DPP10: variants seen among roughly 807,000 people sequenced by gnomAD.
The protein encoded by DPP10 is dipeptidyl peptidase like 10.
Under a neutral mutation model 120.9 loss-of-function variants are expected in DPP10, and 33 were observed. That is an observed-to-expected ratio of 0.27 (90% confidence interval 0.21 to 0.37). The LOEUF is 0.37. Among genes scored for constraint, DPP10 ranks in the 10% least tolerant of loss-of-function variants. The pLI is 1.00. For missense variants in DPP10, 816 were observed against 942.8 expected, an observed-to-expected ratio of 0.87 and a Z score of 1.76; for synonymous variants, 337 against 326.1, an observed-to-expected ratio of 1.03 and a Z score of -0.36.
intron 3 of DPP10, among the ~76,000 whole-genome samples, chr2:115,471,217 A>G (rs182002010): frequency 1.3e-5 from 2 of 152,326 alleles, no homozygotes; most frequent in East Asian, 3.9e-4. Flanking sequence ...AGAAAAGGAT[A>G]ATTCACTACC....
intron 1 of DPP10, among the ~76,000 whole-genome samples, chr2:114,529,441 A>T (rs1685774378): frequency 6.6e-6 from 1 of 152,142 alleles, no homozygotes; most frequent in Admixed American, 6.5e-5. Flanking sequence ...ATTGACAGAA[A>T]TAGCTCTAAT....
chr2:114,902,538 C>A (rs541911842), intron 1 of DPP10, among the ~76,000 whole-genome samples: 1 of 148,964 alleles, frequency 6.7e-6, no homozygotes, highest in South Asian at 2.1e-4. Context: ...TCAAAGGAAT[C>A]GTGGCTATTA....
intron 1 of DPP10, among the ~76,000 whole-genome samples, chr2:114,858,021 G>T (rs1032648033): frequency 3.3e-5 from 5 of 152,062 alleles, no homozygotes; most frequent in African/African-American, 1.2e-4. Context: ...ATGGAGTTTT[G>T]CTCTGTCGCC....
chr2:114,686,110 G>A (rs1462655059), intron 1 of DPP10, among the ~76,000 whole-genome samples: 1 of 151,758 alleles, frequency 6.6e-6, no homozygotes, highest in Non-Finnish European at 1.5e-5. Context: ...CTCACTAACT[G>A]CTAATCATCT....
rs1687597152 is a variant in DPP10, at chr2:114,835,102, CCATATCTACACACCTATGTATATATAAGA to C, written c.60+392293_60+392321del. On this transcript the variant is annotated intron_variant, in intron 1 of 25. Coordinates refer to ENST00000410059, the MANE Select transcript of DPP10 (RefSeq NM_020868.6). ...ATCTACACACCTATGTATATATAAG[CCATATCTACACACCTATGTATATATAAGA>C]CATATCTACACACCTATGTATATAT... The C allele has an allele frequency of 2.1e-4, 28 of 132,514 alleles. 1 individual carries two copies. The highest frequency in any genetic ancestry group is 3.6e-4 in the African/African-American group (11 of 30,638). 8.2% of individuals were successfully genotyped at this position (132,514 alleles called of 1,614,324 possible).
chr2:115,334,616 A>G (rs1422880347), intron 2 of DPP10, among the ~76,000 whole-genome samples: 2 of 152,042 alleles, frequency 1.3e-5, no homozygotes, highest in African/African-American at 4.8e-5. Flanking sequence ...AAGCAACTTC[A>G]TATTGTGTTT....
intron 5 of DPP10, among the ~76,000 whole-genome samples, chr2:115,554,032 CA>C (rs1575163377): frequency 4.0e-5 from 6 of 150,870 alleles, no homozygotes; most frequent in South Asian, 2.1e-4. Context: ...CACACACACA[CA>C]CACACACACC....
intron 1 of DPP10, among the ~76,000 whole-genome samples, chr2:115,015,211 A>G (rs1702547761): frequency 6.6e-6 from 1 of 152,244 alleles, no homozygotes; most frequent in South Asian, 2.1e-4. Flanking sequence ...GCAAATCAGT[A>G]AACGTAACCC....
At position 115,417,253 on chromosome 2, in the gene DPP10, A is replaced by G. The variant is rs1019049524; in HGVS notation, c.271+73341A>G. Among the ~76,000 whole-genome samples the G allele has an allele frequency of 2.6e-5, 4 of 152,290 alleles. No individual in the cohort carries two copies. The South Asian group carries it at 8.3e-4, about 32-fold the overall frequency. On this transcript the variant is annotated intron_variant, in intron 3 of 25. Coordinates refer to ENST00000410059, the MANE Select transcript of DPP10 (RefSeq NM_020868.6). Reference sequence around the variant, plus strand: ...ACAAGTTGCCAAGGTACCAATAGAAAACACACAAAGTCACTGAATGGAAAC... The same window carrying G: ...ACAAGTTGCCAAGGTACCAATAGAAGACACACAAAGTCACTGAATGGAAAC...
chr2:115,337,654 C>T (rs1054448149), intron 2 of DPP10, among the ~76,000 whole-genome samples: 2 of 83,026 alleles, frequency 2.4e-5, no homozygotes, highest in South Asian at 4.1e-4. Flanking sequence ...CAGGGGGAGG[C>T]TGCTCATAAA....
intron 2 of DPP10, among the ~76,000 whole-genome samples, chr2:115,329,560 A>AATGC (rs1470458427): frequency 6.6e-6 from 1 of 152,054 alleles, no homozygotes; most frequent in Non-Finnish European, 1.5e-5. Context: ...TACATTAGGT[A>AATGC]TATCTCCTAA....
intron 3 of DPP10, among the ~76,000 whole-genome samples, chr2:115,392,080 A>G (rs909754787): frequency 2.0e-5 from 3 of 152,174 alleles, no homozygotes; most frequent in African/African-American, 7.2e-5. Flanking sequence ...TATGGTCATT[A>G]AGGTCCCTTT....
chr2:114,916,156 C>G (rs1694787836), intron 1 of DPP10, among the ~76,000 whole-genome samples: 1 of 152,028 alleles, frequency 6.6e-6, no homozygotes, highest in Admixed American at 6.6e-5. Flanking sequence ...TACCACTAAC[C>G]CCACAGAAAT....
chr2:114,758,553 A>T (rs1290954169), intron 1 of DPP10, among the ~76,000 whole-genome samples: 1 of 152,182 alleles, frequency 6.6e-6, no homozygotes, highest in Non-Finnish European at 1.5e-5. Context: ...TACTCATGAC[A>T]TTGTAATAGT....
chr2:114,490,135 G>T (rs376252789), intron 1 of DPP10, among the ~76,000 whole-genome samples: 5 of 152,096 alleles, frequency 3.3e-5, no homozygotes, highest in African/African-American at 1.2e-4. Context: ...TGTTTTCCTC[G>T]AAGGGTTAAT....
At chr2:115,447,070 A>G (rs1413990786) in intron 3 of DPP10, among the ~76,000 whole-genome samples, 1 of 152,172 alleles carries the variant, frequency 6.6e-6, no homozygotes, top group Non-Finnish European at 1.5e-5. Flanking sequence ...GAACACTGCA[A>G]AGCCACAGTG....
chr2:115,224,015 T>C (rs1270961702), intron 1 of DPP10, among the ~76,000 whole-genome samples: 1 of 152,176 alleles, frequency 6.6e-6, no homozygotes, highest in African/African-American at 2.4e-5. Flanking sequence ...TAGCCCCTTC[T>C]AGGCATTGGA....
chr2:115,083,493 A>T (rs1708443248), intron 1 of DPP10, among the ~76,000 whole-genome samples: 2 of 152,174 alleles, frequency 1.3e-5, no homozygotes, highest in South Asian at 4.1e-4. Flanking sequence ...GAAACCTGGC[A>T]TAACACATGC....
intron 1 of DPP10, among the ~76,000 whole-genome samples, chr2:114,580,914 C>A (rs1690454446): frequency 6.6e-6 from 1 of 152,048 alleles, no homozygotes; most frequent in Non-Finnish European, 1.5e-5. Flanking sequence ...CCCCCGAGGC[C>A]ATGCTTTGCT....
Sources: gnomAD v4.1 joint callset for allele counts (sites outside exome capture counted in the v4.1 genomes callset) on GRCh38, gnomAD v4.1.1 for gene constraint, MANE v1.5 for transcripts, NCBI Gene and HGNC (gene_info 2026-07-23, HGNC 2026-07-21) for gene names.